Variants in SIPA1L1 observed in about 807,000 individuals in gnomAD.
The protein encoded by SIPA1L1 is signal induced proliferation associated 1 like 1, also known as signal-induced proliferation-associated 1-like protein 1.
SIPA1L1 carries 26 observed loss-of-function variants against 162.7 expected under a neutral mutation model. The observed-to-expected ratio is 0.16, with a 90% confidence interval of 0.12 to 0.22. The LOEUF is 0.22. SIPA1L1 is among the 10% of genes least tolerant of loss of function. The pLI is 1.00. For synonymous variants in SIPA1L1, 829 were observed against 837.4 expected (o/e 0.99, Z 0.17); for missense variants, 1,874 against 2,241.0 (o/e 0.84, Z 3.31).
At chr14:71,372,784 A>G (rs1214619325) in intron 2 of SIPA1L1, among the ~76,000 whole-genome samples, 3 of 152,156 alleles carry the variant, frequency 2.0e-5, no homozygotes, top group African/African-American at 7.2e-5. Context: ...CAGTTGCATA[A>G]TCACAGATTA....
At chr14:71,417,457 G>A (rs1167839060) in intron 2 of SIPA1L1, among the ~76,000 whole-genome samples, 6 of 54,386 alleles carry the variant, frequency 1.1e-4, no homozygotes, top group Admixed American at 3.2e-4. Context: ...GGGCGACAGC[G>A]AGACTCCGTC....
intron 14 of SIPA1L1, among the ~76,000 whole-genome samples, chr14:71,699,890 C>T (rs1472867187): frequency 1.3e-5 from 2 of 152,232 alleles, no homozygotes; most frequent in African/African-American, 4.8e-5. Context: ...TTTCATATGT[C>T]AGCCAAATGA....
chr14:71,540,979 T>A (rs919157423), intron 4 of SIPA1L1, among the ~76,000 whole-genome samples: 6 of 151,890 alleles, frequency 4.0e-5, no homozygotes, highest in Admixed American at 6.6e-5. Flanking sequence ...AGAAAAAAAA[T>A]TAGCCAGACG....
chr14:71,664,517 G>C (rs764214102), intron 10 of SIPA1L1, among the ~76,000 whole-genome samples: 5 of 152,064 alleles, frequency 3.3e-5, no homozygotes, highest in Non-Finnish European at 7.4e-5. Flanking sequence ...AGGGTAAATG[G>C]GGTATCCATC....
intron 13 of SIPA1L1, among the ~76,000 whole-genome samples, chr14:71,693,508 A>AT (rs2081397017): frequency 6.6e-6 from 1 of 152,150 alleles, no homozygotes; most frequent in African/African-American, 2.4e-5. Flanking sequence ...CAAAAAAAAA[A>AT]GAACAGGATT....
At chr14:71,702,872 CAA>C (rs1173351818) in intron 15 of SIPA1L1, among the ~76,000 whole-genome samples, 1 of 152,168 alleles carries the variant, frequency 6.6e-6, no homozygotes, top group Non-Finnish European at 1.5e-5. Flanking sequence ...AAACTACTAA[CAA>C]AGTGGAAAAG....
At chr14:71,418,727 A>T (rs928048622) in intron 2 of SIPA1L1, among the ~76,000 whole-genome samples, 1 of 152,196 alleles carries the variant, frequency 6.6e-6, no homozygotes, top group Non-Finnish European at 1.5e-5. Flanking sequence ...CATATTTTAT[A>T]TATAAGAGGA....
intron 4 of SIPA1L1, among the ~76,000 whole-genome samples, chr14:71,560,934 AG>A (rs1428194540): frequency 1.3e-5 from 2 of 152,210 alleles, no homozygotes; most frequent in African/African-American, 4.8e-5. Flanking sequence ...TTTAGATATT[AG>A]GATAGCAAAT....
chr14:71,635,821 A>G (rs898924939), intron 7 of SIPA1L1, among the ~76,000 whole-genome samples: 1 of 152,238 alleles, frequency 6.6e-6, no homozygotes. Context: ...TTATCTAATT[A>G]TATAAACTAT....
At chr14:71,544,007 GTATA>G (rs1320566327) in intron 4 of SIPA1L1, among the ~76,000 whole-genome samples, 1 of 147,194 alleles carries the variant, frequency 6.8e-6, no homozygotes, top group Admixed American at 6.7e-5. Flanking sequence ...ACACGCACAT[GTATA>G]TATACACATA....
chr14:71,343,367 T>C (rs761544357), intron 2 of SIPA1L1, among the ~76,000 whole-genome samples: 1 of 152,188 alleles, frequency 6.6e-6, no homozygotes, highest in Non-Finnish European at 1.5e-5. Context: ...ATGTATTTCG[T>C]AGATAACACT....
rs879213057 is a variant in SIPA1L1, at chr14:71,672,370, C to T, written c.2852C>T (p.Ser951Leu). 3.1e-6 allele frequency: 5 copies of T among 1,614,028 alleles called. No homozygotes were observed. Among genetic ancestry groups the T allele is most frequent in the African/African-American group, 1.3e-5 (1 of 74,926 alleles). Residue 951 changes from serine (S) to leucine (L), a missense_variant, in exon 12 of 24, where the codon TCG becomes TTG. Around this residue, in one of 5 missense-constraint regions of SIPA1L1, gnomAD observed 10 missense variants for 28.9 expected, o/e 0.35. Coordinates refer to ENST00000381232, the MANE Select transcript of SIPA1L1 (RefSeq NM_001386936.1). The stretch of plus-strand genomic sequence containing the variant: ...TAGTTTGTTTCAAAAGGCTGTGAAT[C>T]GGTGGAGATGACTCTGCGAAGAAAT... ...RLQFVSKGCE[S>L]VEMTLRRNGL...
chr14:71,587,515 A>G, intron 4 of SIPA1L1, 56 bp from the exon 5 acceptor site: 1 of 404,270 alleles, frequency 2.5e-6, no homozygotes, highest in Non-Finnish European at 4.4e-6. Context: ...TGACAATTGC[A>G]TGTTTGTTTT....
chr14:71,678,309 A>T (rs544650993), intron 12 of SIPA1L1, among the ~76,000 whole-genome samples: 210 of 152,306 alleles, frequency 1.4e-3, no homozygotes, highest in Non-Finnish European at 2.5e-3. Context: ...TTTTGAGATA[A>T]GTCCCATCAA....
intron 4 of SIPA1L1, among the ~76,000 whole-genome samples, chr14:71,577,700 T>C (rs2033285992): frequency 6.6e-6 from 1 of 151,534 alleles, no homozygotes; most frequent in African/African-American, 2.4e-5. Context: ...TATACACAAT[T>C]TGCTTAACTT....
chr14:71,676,658 C>A (rs2045229401), intron 12 of SIPA1L1, among the ~76,000 whole-genome samples: 1 of 125,898 alleles, frequency 7.9e-6, no homozygotes, highest in Non-Finnish European at 1.6e-5. Context: ...CCAGTGTGTG[C>A]TGTTCCCCTT....
At chr14:71,544,916 G>A (rs1011898121) in intron 4 of SIPA1L1, among the ~76,000 whole-genome samples, 1 of 152,026 alleles carries the variant, frequency 6.6e-6, no homozygotes, top group Non-Finnish European at 1.5e-5. Flanking sequence ...TTAGAGATGT[G>A]CAGTGGCATG....
intron 4 of SIPA1L1, among the ~76,000 whole-genome samples, chr14:71,540,349 CTG>C (rs1198667616): frequency 6.6e-6 from 1 of 152,112 alleles, no homozygotes; most frequent in Non-Finnish European, 1.5e-5. Context: ...GCTGATAGAA[CTG>C]ATTCACAGAA....
At chr14:71,497,539 T>C (rs1299685330) in intron 2 of SIPA1L1, among the ~76,000 whole-genome samples, 3 of 152,216 alleles carry the variant, frequency 2.0e-5, no homozygotes, top group Non-Finnish European at 4.4e-5. Context: ...CATCCATTCC[T>C]GTAGTTTTTT....
Sources: allele counts gnomAD v4.1 joint callset (sites outside exome capture counted in the v4.1 genomes callset), GRCh38; gene constraint gnomAD v4.1.1; regional missense constraint gnomAD v4.1.1; transcripts MANE v1.5; gene names NCBI Gene and HGNC (gene_info 2026-07-23, HGNC 2026-07-21).